The following GPRC5A variants were observed in gnomAD, a reference collection of about 807,000 sequenced individuals.
GPRC5A encodes retinoic acid-induced protein 3.
A neutral mutation model predicts 22.5 loss-of-function variants in GPRC5A; 19 were observed. The ratio of observed to expected loss-of-function variants is 0.85; its 90% CI spans 0.59 to 1.24. GPRC5A has a LOEUF of 1.24. Ranked by LOEUF, GPRC5A falls within the 50% of genes most tolerant of loss-of-function variation. The pLI, the probability that GPRC5A is intolerant of heterozygous loss-of-function variation, is 0.00. For synonymous variants in GPRC5A, 192 were observed against 184.5 expected (o/e 1.04, Z -0.33); for missense variants, 471 against 451.1 (o/e 1.04, Z -0.40).
intron 3 of GPRC5A, 113 bp downstream of exon 3, chr12:12,912,255 G>A: frequency 4.4e-6 from 4 of 910,666 alleles, no homozygotes; most frequent in Non-Finnish European, 7.4e-6. Context: ...CCACTTGAAG[G>A]AATGATGGGT....
intron 1 of GPRC5A, among the ~76,000 whole-genome samples, chr12:12,898,361 C>T (rs1863845224): frequency 1.3e-5 from 2 of 152,008 alleles, no homozygotes; most frequent in Non-Finnish European, 2.9e-5. Flanking sequence ...TAGCGAGACC[C>T]CACCTCTACA....
At position 12,913,695 on chromosome 12, in the gene GPRC5A, C is replaced by A. The variant is rs557652474; in HGVS notation, c.*1156C>A. ...GCATTAGACTCTGGGGGATAGAACA[C>A]GGGCTGCCCTGAGAGCTTCATGTTG... On this transcript the variant is annotated 3_prime_UTR_variant, in exon 4 of 4. Transcript: ENST00000014914. The A allele has an allele frequency of 5.9e-5, 9 of 152,306 alleles. No homozygotes were observed. The East Asian group carries it at 1.7e-3, about 29-fold the overall frequency. 9.4% of individuals were successfully genotyped at this position (152,306 alleles called of 1,614,324 possible).
rs59601728 is a variant in GPRC5A at position 12,917,212 on chromosome 12, CTGTGTG to C, written c.*4708_*4713del. The C allele has an allele frequency of 0.012, 1,677 of 139,112 alleles. 18 individuals are homozygous for C. Among genetic ancestry groups the C allele is most frequent in the Middle Eastern group, 0.03 (9 of 300 alleles). 8.6% of individuals were successfully genotyped at this position (139,112 alleles called of 1,614,324 possible). A position where few individuals can be genotyped will look rare whatever the true frequency, so the allele number is the denominator to read the frequency against. ...GGATGTTCCAAGGATGCTGCTGGATCTGTGTGTGTGTGTGTGTGTGTGTGTGTGTGT... is the reference window on the plus strand; with the variant it reads ...GGATGTTCCAAGGATGCTGCTGGATCTGTGTGTGTGTGTGTGTGTGTGTGT... On this transcript the variant is annotated 3_prime_UTR_variant, in exon 4 of 4. Coordinates refer to ENST00000014914, the MANE Select transcript of GPRC5A (RefSeq NM_003979.4).
intron 2 of GPRC5A, among the ~76,000 whole-genome samples, chr12:12,911,813 A>G (rs1864008430): frequency 6.6e-6 from 1 of 152,170 alleles, no homozygotes; most frequent in African/African-American, 2.4e-5. Flanking sequence ...GTGCTTTTGA[A>G]GTGGTCCTAG....
chr12:12,895,025 G>A (rs1014913577), intron 1 of GPRC5A, among the ~76,000 whole-genome samples: 16 of 152,096 alleles, frequency 1.1e-4, no homozygotes, highest in African/African-American at 3.1e-4. Flanking sequence ...TGATCTGCCC[G>A]CCTCAGCCTC....
At chr12:12,900,090 G>A (rs1565463349) in intron 1 of GPRC5A, among the ~76,000 whole-genome samples, 1 of 152,228 alleles carries the variant, frequency 6.6e-6, no homozygotes, top group Non-Finnish European at 1.5e-5. Context: ...GGTCAGTGCT[G>A]TGTGTCAGTC....
At chr12:12,897,823 G>T (rs3782575) in intron 1 of GPRC5A, among the ~76,000 whole-genome samples, 1 of 151,694 alleles carries the variant, frequency 6.6e-6, no homozygotes, top group African/African-American at 2.4e-5. Flanking sequence ...TGGCCAGGCT[G>T]GTCTCTTAAC....
Position 12,908,733 on chromosome 12 carries a change from G to T in GPRC5A, c.484G>T (p.Val162Phe). The change falls in exon 2 of 4, where the codon GTC (valine) becomes TTC (phenylalanine). Residue 162 changes from valine to phenylalanine, a missense_variant. Transcript: ENST00000014914. Reference protein sequence around the residue: ...YIVLTMNRTNVNVFSELSAPR... With the variant: ...YIVLTMNRTNFNVFSELSAPR... ...TGTCCTGACCATGAATAGGACCAAC[G>T]TCAATGTCTTTTCTGAGCTTTCCGC... The T allele has an allele frequency of 1.9e-6, 3 of 1,614,120 alleles. No homozygotes were observed. The highest frequency in any genetic ancestry group is 2.5e-6 in the Non-Finnish European group (3 of 1,179,950).
intron 1 of GPRC5A, among the ~76,000 whole-genome samples, chr12:12,897,857 G>A (rs934366352): frequency 3.3e-5 from 5 of 151,930 alleles, no homozygotes; most frequent in African/African-American, 1.2e-4. Context: ...TGATCTACCC[G>A]CCTCGGCCTC....
chr12:12,895,383 T>TC (rs1863811597), intron 1 of GPRC5A, among the ~76,000 whole-genome samples: 1 of 152,062 alleles, frequency 6.6e-6, no homozygotes, highest in Non-Finnish European at 1.5e-5. Flanking sequence ...TCTTTTTTTT[T>TC]TTCAAAATAG....
intron 2 of GPRC5A, among the ~76,000 whole-genome samples, chr12:12,910,731 C>T (rs186187421): frequency 2.6e-4 from 40 of 152,340 alleles, no homozygotes; most frequent in African/African-American, 9.6e-4. Flanking sequence ...CCCTGTGCAT[C>T]TGTAGGACTT....
chr12:12,895,306 T>C (rs1274210319), intron 1 of GPRC5A, among the ~76,000 whole-genome samples: 1 of 152,136 alleles, frequency 6.6e-6, no homozygotes, highest in African/African-American at 2.4e-5. Flanking sequence ...CTTTCTGTTC[T>C]TTTGCTTTTA....
Position 12,908,738 on chromosome 12 carries a change from T to A in GPRC5A, c.489T>A (p.Asn163Lys). The A allele has an allele frequency of 6.2e-7, 1 of 1,614,210 alleles. No individual in the cohort carries two copies. Among genetic ancestry groups the A allele is most frequent in the South Asian group, 1.1e-5 (1 of 91,078 alleles). The change falls in exon 2 of 4, where the codon AAT becomes AAA. Residue 163 changes from asparagine (N) to lysine (K), a missense_variant. Asn to Lys is a moderately conservative substitution (Grantham distance 94, BLOSUM62 0). Coordinates refer to ENST00000014914, the MANE Select transcript of GPRC5A (RefSeq NM_003979.4). ...TGACCATGAATAGGACCAACGTCAA[T>A]GTCTTTTCTGAGCTTTCCGCTCCTC... is the stretch of plus-strand genomic sequence containing the variant. ...IVLTMNRTNVNVFSELSAPRR... is the reference protein window; with the variant it reads ...IVLTMNRTNVKVFSELSAPRR...
At chr12:12,909,937 T>TAAAAAAAAAAAA (rs1158941504) in intron 2 of GPRC5A, 2 of 95,366 alleles carry the variant, frequency 2.1e-5, no homozygotes, top group Non-Finnish European at 4.0e-5. Context: ...CATCTCTATT[T>TAAAAAAAAAAAA]AAAAAAAAAA....
chr12:12,915,621 CCTT>C lies in GPRC5A; in HGVS notation c.*3085_*3087del, dbSNP rs777654670. The C allele has an allele frequency of 1.5e-4, 29 of 189,220 alleles. No homozygotes were observed. The highest frequency in any genetic ancestry group is 3.0e-4 in the Non-Finnish European group (26 of 87,656). The allele number at this position is 189,220 out of a possible 1,614,324, so 11.7% of individuals were successfully genotyped here. The stretch of plus-strand genomic sequence containing the variant: ...GTTGTTTCTCCTTCTTCCTTCTCCT[CCTT>C]CTCCTCCTCCTCCTCCTCCACCATG... On this transcript the variant is annotated 3_prime_UTR_variant, in exon 4 of 4. Coordinates refer to ENST00000014914, the MANE Select transcript of GPRC5A (RefSeq NM_003979.4).
chr12:12,911,704 G>A (rs1158440749), intron 2 of GPRC5A, among the ~76,000 whole-genome samples: 2 of 152,068 alleles, frequency 1.3e-5, no homozygotes, highest in East Asian at 3.9e-4. Flanking sequence ...TAGCCAGGAT[G>A]GTCTCGATCT....
At chr12:12,892,287 A>G (rs892910366) in intron 1 of GPRC5A, among the ~76,000 whole-genome samples, 24 of 152,242 alleles carry the variant, frequency 1.6e-4, no homozygotes, top group African/African-American at 4.8e-4. Context: ...TCCACTACCG[A>G]CTTTATGGAT....
At chr12:12,908,203 T>C (rs768937788) in intron 1 of GPRC5A, 40 bp from the exon 2 acceptor site, 10 of 1,308,524 alleles carry the variant, frequency 7.6e-6, no homozygotes, top group Non-Finnish European at 9.6e-6. Context: ...TGTTAGGAGA[T>C]TCAATACCTT....
intron 1 of GPRC5A, among the ~76,000 whole-genome samples, chr12:12,906,473 G>A (rs1565464642): frequency 1.3e-5 from 2 of 152,136 alleles, no homozygotes; most frequent in Admixed American, 1.3e-4. Context: ...AGGAGGCTGA[G>A]GTCGGGGGAG....
Sources: gnomAD v4.1 joint callset for allele counts (sites outside exome capture counted in the v4.1 genomes callset) on GRCh38, gnomAD v4.1.1 for gene constraint, MANE v1.5 for transcripts, NCBI Gene and HGNC (gene_info 2026-07-23, HGNC 2026-07-21) for gene names.